Variants in DRC11 observed in about 807,000 individuals in gnomAD.
DRC11 encodes the protein IQ and AAA domain-containing protein 1.
the DRC11 span, among the ~76,000 whole-genome samples, chr2:236,484,811 G>A: frequency 2.0e-5 from 3 of 152,252 alleles, no homozygotes; most frequent in Admixed American, 1.3e-4. Flanking sequence ...TTTTAAAAGC[G>A]ATTTAAGTTT....
the DRC11 span, among the ~76,000 whole-genome samples, chr2:236,312,808 A>C: frequency 1.3e-5 from 2 of 152,048 alleles, no homozygotes; most frequent in Non-Finnish European, 2.9e-5. Context: ...GATGAAACTG[A>C]TTGAGGGAAA....
chr2:236,389,139 G>A, the DRC11 span, among the ~76,000 whole-genome samples: 1 of 152,236 alleles, frequency 6.6e-6, no homozygotes, highest in Non-Finnish European at 1.5e-5. Context: ...CGCCCCCAGA[G>A]GTGGAGCCTA....
At chr2:236,430,674 A>G in the DRC11 span, among the ~76,000 whole-genome samples, 1 of 152,226 alleles carries the variant, frequency 6.6e-6, no homozygotes, top group African/African-American at 2.4e-5. This position sits in a 1 kb window ranked among gnomAD's most constrained non-coding sequence, Gnocchi z 6.0. Flanking sequence ...TGGTGAACAT[A>G]TCTGCAGGAT....
At chr2:236,479,577 C>A in the DRC11 span, among the ~76,000 whole-genome samples, 38 of 152,218 alleles carry the variant, frequency 2.5e-4, no homozygotes, top group African/African-American at 8.9e-4. This position sits in a 1 kb window ranked among gnomAD's most constrained non-coding sequence, Gnocchi z 4.1. Flanking sequence ...TGAGGACTTA[C>A]CTTTGATCAC....
chr2:236,373,364 C>A, the DRC11 span, among the ~76,000 whole-genome samples: 1 of 151,966 alleles, frequency 6.6e-6, no homozygotes, highest in East Asian at 1.9e-4. Flanking sequence ...GATTCTCCTG[C>A]CTCAACCTCC....
the DRC11 span, among the ~76,000 whole-genome samples, chr2:236,416,850 T>C: frequency 1.3e-5 from 2 of 148,470 alleles, no homozygotes; most frequent in Non-Finnish European, 3.0e-5. Flanking sequence ...AACCTCCGCC[T>C]CCTGGGTTCA....
chr2:236,357,863 A>T, the DRC11 span, among the ~76,000 whole-genome samples: 1 of 125,098 alleles, frequency 8.0e-6, no homozygotes, highest in East Asian at 2.4e-4. Flanking sequence ...AATATATACT[A>T]TATAAATATA....
the DRC11 span, among the ~76,000 whole-genome samples, chr2:236,402,549 G>A: frequency 6.6e-6 from 1 of 152,214 alleles, no homozygotes; most frequent in African/African-American, 2.4e-5. The surrounding 1 kb of genome is among the most constrained non-coding windows in gnomAD (Gnocchi z 6.0). Context: ...CATGGGGTGG[G>A]GGGGCATGGC....
the DRC11 span, among the ~76,000 whole-genome samples, chr2:236,422,140 C>T: frequency 7.9e-5 from 12 of 152,208 alleles, no homozygotes; most frequent in Non-Finnish European, 1.3e-4. Context: ...CCTTTGAAAA[C>T]GGGCACAAGA....
the DRC11 span, among the ~76,000 whole-genome samples, chr2:236,445,265 C>T: frequency 6.6e-6 from 1 of 152,096 alleles, no homozygotes; most frequent in South Asian, 2.1e-4. This position sits in a 1 kb window ranked among gnomAD's most constrained non-coding sequence, Gnocchi z 4.8. Flanking sequence ...AACACATCGA[C>T]TGTCATACTA....
chr2:236,374,720 C>T, the DRC11 span, among the ~76,000 whole-genome samples: 7 of 151,992 alleles, frequency 4.6e-5, no homozygotes, highest in East Asian at 3.9e-4. Flanking sequence ...GATGGTGTTT[C>T]GCTCTTGTTG....
the DRC11 span, among the ~76,000 whole-genome samples, chr2:236,454,160 C>T: frequency 6.6e-6 from 1 of 152,086 alleles, no homozygotes; most frequent in South Asian, 2.1e-4. This position sits in a 1 kb window ranked among gnomAD's most constrained non-coding sequence, Gnocchi z 5.3. Context: ...CTGGGACAGC[C>T]TGCGGGCCCA....
chr2:236,429,769 T>C, the DRC11 span, among the ~76,000 whole-genome samples: 1 of 152,112 alleles, frequency 6.6e-6, no homozygotes, highest in African/African-American at 2.4e-5. The surrounding 1 kb of genome is among the most constrained non-coding windows in gnomAD (Gnocchi z 5.9). Context: ...CATGTGGCTC[T>C]GGGTGGCTCC....
At chr2:236,462,226 A>G in the DRC11 span, among the ~76,000 whole-genome samples, 1 of 152,072 alleles carries the variant, frequency 6.6e-6, no homozygotes, top group East Asian at 1.9e-4. This position sits in a 1 kb window ranked among gnomAD's most constrained non-coding sequence, Gnocchi z 6.4. Flanking sequence ...ATGGGGGAGA[A>G]CCAGCAGCCA....
the DRC11 span, among the ~76,000 whole-genome samples, chr2:236,504,428 G>A: frequency 1.3e-5 from 2 of 152,124 alleles, no homozygotes; most frequent in Non-Finnish European, 2.9e-5. The surrounding 1 kb of genome is among the most constrained non-coding windows in gnomAD (Gnocchi z 5.0). Context: ...GAGTTTCTGC[G>A]TGGAAATATG....
chr2:236,492,019 C>T, the DRC11 span, among the ~76,000 whole-genome samples: 1 of 152,166 alleles, frequency 6.6e-6, no homozygotes, highest in Non-Finnish European at 1.5e-5. Context: ...AGGATGAGCT[C>T]ACCGCCTTAC....
At chr2:236,488,976 C>T in the DRC11 span, among the ~76,000 whole-genome samples, 3 of 147,926 alleles carry the variant, frequency 2.0e-5, no homozygotes, top group African/African-American at 7.6e-5. Flanking sequence ...CCTGTGTGGG[C>T]TCCGGGTGCA....
At chr2:236,328,489 C>G in the DRC11 span, among the ~76,000 whole-genome samples, 6 of 152,072 alleles carry the variant, frequency 3.9e-5, no homozygotes, top group African/African-American at 1.4e-4. The surrounding 1 kb of genome is among the most constrained non-coding windows in gnomAD (Gnocchi z 6.7). Flanking sequence ...CCCATGGCAA[C>G]CTATAAAGTG....
the DRC11 span, among the ~76,000 whole-genome samples, chr2:236,431,846 A>C: frequency 6.6e-6 from 1 of 152,220 alleles, no homozygotes; most frequent in Non-Finnish European, 1.5e-5. The surrounding 1 kb of genome is among the most constrained non-coding windows in gnomAD (Gnocchi z 4.2). Flanking sequence ...TATGTATTTA[A>C]GCTGTTTCAA....
Sources: gnomAD v4.1 joint callset for allele counts (sites outside exome capture counted in the v4.1 genomes callset) on GRCh38, gnomAD v4.1.1 for gene constraint, Gnocchi (gnomAD v3.1) non-coding constraint, MANE v1.5 for transcripts, NCBI Gene and HGNC (gene_info 2026-07-23, HGNC 2026-07-21) for gene names.